The following HIVEP1 variants were observed in gnomAD, a reference collection of about 807,000 sequenced individuals.
The protein encoded by HIVEP1 is zinc finger protein 40.
A neutral mutation model predicts 180.0 loss-of-function variants in HIVEP1; 36 were observed. The observed-to-expected ratio is 0.20, with a 90% CI of 0.15 to 0.26. The LOEUF (loss-of-function observed/expected upper bound fraction) is 0.26. HIVEP1 is among the 10% of genes least tolerant of loss of function. The pLI, the probability that HIVEP1 is intolerant of heterozygous loss-of-function variation, is 1.00. For synonymous variants in HIVEP1, 1,239 were observed against 1,239.0 expected, an observed-to-expected ratio of 1.00 and a Z score of 0.00; for missense variants, 3,143 against 3,268.7, an observed-to-expected ratio of 0.96 and a Z score of 0.94.
At chr6:12,117,926 A>T (rs1201102119) in intron 3 of HIVEP1, among the ~76,000 whole-genome samples, 1 of 152,176 alleles carries the variant, frequency 6.6e-6, no homozygotes, top group Non-Finnish European at 1.5e-5. Context: ...CACTTTGCCT[A>T]CTTGCCTGAT....
intron 2 of HIVEP1, among the ~76,000 whole-genome samples, chr6:12,026,050 A>AAC: frequency 6.6e-6 from 1 of 152,206 alleles, no homozygotes; most frequent in East Asian, 1.9e-4. Context: ...CAAAAAAAAA[A>AAC]AAAAGAACAA....
chr6:12,008,916 G>A (rs1190090286), upstream of HIVEP1: 1 of 152,348 alleles, frequency 6.6e-6, no homozygotes, highest in Non-Finnish European at 1.5e-5. Flanking sequence ...CGCCTGGCTT[G>A]GGAAGAGCCT....
chr6:12,139,707 C>T (rs1490941166), intron 7 of HIVEP1, among the ~76,000 whole-genome samples: 2 of 152,230 alleles, frequency 1.3e-5, no homozygotes, highest in African/African-American at 4.8e-5. Context: ...CTTGGTGGAT[C>T]CCATGCCCAC....
intron 2 of HIVEP1, among the ~76,000 whole-genome samples, chr6:12,076,673 G>A (rs1211536786): frequency 6.6e-6 from 1 of 152,132 alleles, no homozygotes; most frequent in Non-Finnish European, 1.5e-5. Context: ...CATCATGAGG[G>A]TGGAGCCTTC....
At chr6:12,194,823 A>T in the HIVEP1 span, among the ~76,000 whole-genome samples, 1 of 152,070 alleles carries the variant, frequency 6.6e-6, no homozygotes, top group Non-Finnish European at 1.5e-5. Context: ...AACAACAAAA[A>T]ACATAAGTAG....
At chr6:12,179,991 T>G in the HIVEP1 span, among the ~76,000 whole-genome samples, 1 of 152,230 alleles carries the variant, frequency 6.6e-6, no homozygotes, top group Non-Finnish European at 1.5e-5. Context: ...ATTTATCTTG[T>G]AGAAATTTCA....
intron 2 of HIVEP1, among the ~76,000 whole-genome samples, chr6:12,086,691 G>C (rs906575478): frequency 6.6e-6 from 1 of 152,074 alleles, no homozygotes; most frequent in Non-Finnish European, 1.5e-5. Flanking sequence ...CTAGCAGGCA[G>C]CCCTGAAATT....
intron 2 of HIVEP1, among the ~76,000 whole-genome samples, chr6:12,029,354 A>G (rs1768787015): frequency 6.6e-6 from 1 of 152,212 alleles, no homozygotes; most frequent in Non-Finnish European, 1.5e-5. Flanking sequence ...TTTTGTGGAC[A>G]GCGTGTTGCC....
At chr6:12,141,804 C>T (rs1326360181) in intron 7 of HIVEP1, among the ~76,000 whole-genome samples, 6 of 145,140 alleles carry the variant, frequency 4.1e-5, no homozygotes, top group Non-Finnish European at 9.0e-5. Flanking sequence ...TACATAATGG[C>T]AAAGGGATCA....
At chr6:12,165,191 A>T (rs927923340), downstream of HIVEP1, 3 of 484,116 alleles carry the variant, frequency 6.2e-6, no homozygotes, top group Non-Finnish European at 1.2e-5. Context: ...TATTTTTCTT[A>T]TTTGTGAGAA....
the HIVEP1 span, among the ~76,000 whole-genome samples, chr6:12,211,594 A>G: frequency 6.6e-6 from 1 of 151,752 alleles, no homozygotes; most frequent in Non-Finnish European, 1.5e-5. Context: ...GTGTGTGTCT[A>G]TATATTTAGT....
At chr6:12,156,801 T>C (rs528889238) in intron 7 of HIVEP1, among the ~76,000 whole-genome samples, 1 of 152,232 alleles carries the variant, frequency 6.6e-6, no homozygotes, top group Non-Finnish European at 1.5e-5. Context: ...CATACCCTTA[T>C]ATAAAAAGTA....
At chr6:12,186,086 A>G in the HIVEP1 span, among the ~76,000 whole-genome samples, 1 of 152,162 alleles carries the variant, frequency 6.6e-6, no homozygotes, top group Admixed American at 6.5e-5. Context: ...GTGTATCCAT[A>G]TAATGAAATT....
intron 2 of HIVEP1, among the ~76,000 whole-genome samples, chr6:12,081,708 A>G (rs1051468007): frequency 6.6e-6 from 1 of 152,168 alleles, no homozygotes; most frequent in Non-Finnish European, 1.5e-5. Flanking sequence ...TTGGAAGAAC[A>G]AAACAAATCA....
chr6:12,037,809 C>T (rs1037990040), intron 2 of HIVEP1: 2 of 433,968 alleles, frequency 4.6e-6, no homozygotes, highest in African/African-American at 4.1e-5. Context: ...CAAGCTAAGG[C>T]TTGTCCCCTT....
chr6:12,141,691 C>CAAAAAAAAAAAAAAAAA lies in HIVEP1; in HGVS notation c.6487+5812_6487+5828dup, dbSNP rs60419579. ...GAAGATCTACCAAGCAAATGGAAAGCAAAAAAAAAAAAAAAAAAAAAAAAA... is the reference window on the plus strand; with the variant it reads ...GAAGATCTACCAAGCAAATGGAAAGCAAAAAAAAAAAAAAAAAAAAAAAAAAAAAAAAAAAAAAAAAA... On this transcript the variant is annotated intron_variant, in intron 7 of 8. Transcript: ENST00000379388. Among the ~76,000 whole-genome samples, 17 of 19,238 alleles carry CAAAAAAAAAAAAAAAAA rather than the reference C, an allele frequency of 8.8e-4. 4 individuals carry two copies. The highest frequency in any genetic ancestry group is 5.1e-3 in the East Asian group (1 of 196). 12.6% of individuals were successfully genotyped at this position (19,238 alleles called of 152,430 possible).
Position 12,031,875 on chromosome 6 carries a change from G to A in HIVEP1, c.40+16207G>A, listed in dbSNP as rs1768968530. Among the ~76,000 whole-genome samples the A allele has an allele frequency of 2.0e-5, 3 of 152,204 alleles. No individual in the cohort carries two copies. The South Asian group carries it at 6.2e-4, about 32-fold the overall frequency. On this transcript the variant is annotated intron_variant, in intron 2 of 8. Coordinates refer to ENST00000379388, the MANE Select transcript of HIVEP1 (RefSeq NM_002114.4). ...ATTTCCTATGAATGTGTACCATTCTGTCCTCCTGTGGACCGTGAATGTGGA... is the reference window on the plus strand; with the variant it reads ...ATTTCCTATGAATGTGTACCATTCTATCCTCCTGTGGACCGTGAATGTGGA...
At chr6:12,136,154 C>A (rs970901458) in intron 7 of HIVEP1, among the ~76,000 whole-genome samples, 1 of 152,098 alleles carries the variant, frequency 6.6e-6, no homozygotes, top group Non-Finnish European at 1.5e-5. Flanking sequence ...TCATCGGTTC[C>A]CATCTGTCTA....
At chr6:12,017,944 C>G (rs757495731) in intron 2 of HIVEP1, among the ~76,000 whole-genome samples, 1 of 152,148 alleles carries the variant, frequency 6.6e-6, no homozygotes, top group Non-Finnish European at 1.5e-5. Context: ...CTTGGGTGGT[C>G]GATGGGACTG....
Sources: gnomAD v4.1 joint callset for allele counts (sites outside exome capture counted in the v4.1 genomes callset) on GRCh38, gnomAD v4.1.1 for gene constraint, MANE v1.5 for transcripts, NCBI Gene and HGNC (gene_info 2026-07-23, HGNC 2026-07-21) for gene names.